STK32B: variants seen among roughly 807,000 people sequenced by gnomAD.
STK32B encodes the protein serine/threonine kinase 32B.
Under a neutral mutation model 52.6 loss-of-function variants are expected in STK32B, and 43 were observed. The ratio of observed to expected loss-of-function variants is 0.82; its 90% CI spans 0.64 to 1.05. The LOEUF (loss-of-function observed/expected upper bound fraction) is 1.05, where lower values mean the gene tolerates loss of function less well. Ranked by LOEUF, STK32B falls within the 50% of genes least tolerant of loss-of-function variation. The probability of loss-of-function intolerance (pLI) is 0.00; values close to 1 mark genes in which losing one functional copy is unlikely to be tolerated. For synonymous variants in STK32B, 238 were observed against 204.3 expected (o/e 1.17, Z -1.41); for missense variants, 621 against 534.6 (o/e 1.16, Z -1.59).
rs371605211 is a variant in STK32B, at chr4:5,083,882, C to G, written c.52+31967C>G. 1.5e-4 allele frequency among the ~76,000 whole-genome samples: 23 copies of G among 152,122 alleles called. No individual in the cohort carries two copies. In the East Asian group the frequency reaches 1.9e-3, roughly 13 times the overall value. On this transcript the variant is annotated intron_variant, in intron 1 of 11. Coordinates refer to ENST00000282908, the MANE Select transcript of STK32B (RefSeq NM_018401.3). Reference sequence around the variant, plus strand: ...CTCCCAAGTACTGAGGTTAAAAGCACCCGCCACCACATCTGGCTAATTTTT... The same window carrying G: ...CTCCCAAGTACTGAGGTTAAAAGCAGCCGCCACCACATCTGGCTAATTTTT...
chr4:5,031,668 A>T, the STK32B span, among the ~76,000 whole-genome samples: 1 of 152,160 alleles, frequency 6.6e-6, no homozygotes, highest in Non-Finnish European at 1.5e-5. Context: ...GGGGCCAATC[A>T]TGAGAATGCC....
Position 5,498,961 on chromosome 4 carries a change from G to A in STK32B, c.1123G>A (p.Gly375Arg), listed in dbSNP as rs564786429. The change falls in exon 12 of 12, where the codon GGA becomes AGA. Residue 375 changes from glycine (G) to arginine (R), a missense_variant. Physicochemically the swap from Gly to Arg is moderately radical, Grantham distance 125. Transcript: ENST00000282908. ...TGTTTGCAGGCTCAGGAGGCAGCAG[G>A]GACAGGGCAGCCAGCTCTTGGACAC... is the stretch of plus-strand genomic sequence containing the variant. ...FNREKLRRQQ[G>R]QGSQLLDTDS... 35 of 1,612,954 alleles carry A rather than the reference G, an allele frequency of 2.2e-5. No individual in the cohort carries two copies. The South Asian group carries it at 3.4e-4, about 16-fold the overall frequency.
intron 11 of STK32B, among the ~76,000 whole-genome samples, chr4:5,485,203 C>T (rs1259738954): frequency 4.6e-5 from 7 of 152,120 alleles, no homozygotes; most frequent in South Asian, 2.1e-4. Flanking sequence ...TGGTTCCATT[C>T]TCCCCGTCAC....
Position 5,499,471 on chromosome 4 carries a change from A to G in STK32B, c.*388A>G, listed in dbSNP as rs910399414. The stretch of plus-strand genomic sequence containing the variant: ...GTGACCCCCATTCCCCAAAGCAATC[A>G]AACCGTCATGACTTTGCAATTTGGC... On this transcript the variant is annotated 3_prime_UTR_variant, in exon 12 of 12. Transcript: ENST00000282908. 5.8e-6 allele frequency: 1 copy of G among 172,500 alleles called. No individual in the cohort carries two copies. The highest frequency in any genetic ancestry group is 1.2e-5 in the Non-Finnish European group (1 of 82,160). 10.7% of individuals were successfully genotyped at this position (172,500 alleles called of 1,614,324 possible).
chr4:5,093,909 G>A (rs990825970), intron 1 of STK32B, among the ~76,000 whole-genome samples: 9 of 152,200 alleles, frequency 5.9e-5, no homozygotes, highest in African/African-American at 2.2e-4. Context: ...AAGAAGCAGA[G>A]AAAAGTCCTG....
intron 3 of STK32B, among the ~76,000 whole-genome samples, chr4:5,247,541 C>T (rs1001079694): frequency 6.6e-6 from 1 of 152,184 alleles, no homozygotes; most frequent in African/African-American, 2.4e-5. Context: ...GATGCCTCGC[C>T]CTGCTTTGGC....
Position 5,395,995 on chromosome 4 carries a change from A to G in STK32B, c.435-2212A>G, listed in dbSNP as rs1007022321. 6.6e-6 allele frequency among the ~76,000 whole-genome samples: 1 copy of G among 152,258 alleles called. No homozygotes were observed. Among genetic ancestry groups the G allele is most frequent in the African/African-American group, 2.4e-5 (1 of 41,476 alleles). On this transcript the variant is annotated intron_variant, in intron 4 of 11. Transcript: ENST00000282908. This position sits in a 1 kb window ranked among gnomAD's most constrained non-coding sequence, Gnocchi z 4.4. ...CCAGGCCCTGGGCTTGTCCAAGGCC[A>G]TGCTGTCATTAATGGGGCCCTAGCT...
chr4:5,452,370 A>G (rs1716086445), intron 7 of STK32B, among the ~76,000 whole-genome samples: 1 of 152,048 alleles, frequency 6.6e-6, no homozygotes, highest in Non-Finnish European at 1.5e-5. Flanking sequence ...CTGAACCTGG[A>G]GAAACAGGAC....
At chr4:5,245,288 A>G (rs1008804207) in intron 3 of STK32B, among the ~76,000 whole-genome samples, 4 of 152,140 alleles carry the variant, frequency 2.6e-5, no homozygotes, top group African/African-American at 7.2e-5. Context: ...TATATTTAGG[A>G]TAGTTAGTTC....
chr4:5,134,447 G>A (rs1577092445), intron 1 of STK32B, among the ~76,000 whole-genome samples: 1 of 152,094 alleles, frequency 6.6e-6, no homozygotes, highest in East Asian at 1.9e-4. Flanking sequence ...GTGGGATGAT[G>A]CAGAAAGAAG....
At chr4:5,478,725 T>G (rs112080721) in intron 11 of STK32B, among the ~76,000 whole-genome samples, 1,590 of 152,248 alleles carry the variant, frequency 0.01, 34 homozygotes, top group African/African-American at 0.036. Context: ...ACCTTGGGGC[T>G]CCATAGAAGC....
At chr4:5,279,758 T>G (rs28766920) in intron 3 of STK32B, among the ~76,000 whole-genome samples, 4 of 152,202 alleles carry the variant, frequency 2.6e-5, no homozygotes, top group African/African-American at 7.2e-5. Flanking sequence ...CTCTTGTGTT[T>G]TGTGCACTCG....
intron 4 of STK32B, among the ~76,000 whole-genome samples, chr4:5,388,198 C>G (rs1035703856): frequency 6.6e-6 from 1 of 152,162 alleles, no homozygotes. Flanking sequence ...TTGTGAACTG[C>G]AAAACTGCAC....
In STK32B at chr4:5,115,472, T is replaced by C. The variant is rs371700339; in HGVS notation, c.53-24433T>C. The stretch of plus-strand genomic sequence containing the variant: ...TATAACAGGGTGGCACACATGAGCA[T>C]CTGAACAAAGACAAAGGAGAAAAGC... On this transcript the variant is annotated intron_variant, in intron 1 of 11. Transcript: ENST00000282908. Among the ~76,000 whole-genome samples the C allele has an allele frequency of 6.1e-4, 93 of 152,266 alleles. 2 individuals carry two copies. The South Asian group carries it at 0.018, about 30-fold the overall frequency.
chr4:5,274,331 G>A (rs905258036), intron 3 of STK32B, among the ~76,000 whole-genome samples: 1 of 152,150 alleles, frequency 6.6e-6, no homozygotes, highest in African/African-American at 2.4e-5. Context: ...ACAAAGATAT[G>A]ATCGATTGAT....
chr4:5,376,566 G>T (rs1000077823), intron 4 of STK32B, among the ~76,000 whole-genome samples: 1 of 152,058 alleles, frequency 6.6e-6, no homozygotes, highest in African/African-American at 2.4e-5. Flanking sequence ...CACTTACTGA[G>T]ATTTACCTCT....
At chr4:5,157,719 A>G (rs928749350) in intron 2 of STK32B, among the ~76,000 whole-genome samples, 2 of 152,212 alleles carry the variant, frequency 1.3e-5, no homozygotes, top group African/African-American at 4.8e-5. Flanking sequence ...TGCTCTTTGT[A>G]GGGAACTGAA....
At chr4:5,240,888 A>G (rs1489230609) in intron 3 of STK32B, among the ~76,000 whole-genome samples, 6 of 152,110 alleles carry the variant, frequency 3.9e-5, no homozygotes, top group Non-Finnish European at 8.8e-5. Context: ...GAGCTCACTA[A>G]TCTTTTTATT....
At chr4:5,106,967 T>C (rs1357051513) in intron 1 of STK32B, among the ~76,000 whole-genome samples, 2 of 152,216 alleles carry the variant, frequency 1.3e-5, no homozygotes, top group Non-Finnish European at 2.9e-5. Flanking sequence ...CAGTGTTGAG[T>C]TGTATCACTT....
Sources: allele counts gnomAD v4.1 joint callset (sites outside exome capture counted in the v4.1 genomes callset), GRCh38; gene constraint gnomAD v4.1.1; non-coding constraint Gnocchi (gnomAD v3.1); transcripts MANE v1.5; gene names NCBI Gene and HGNC (gene_info 2026-07-23, HGNC 2026-07-21).